Variants in ITGA8 observed in about 807,000 individuals in gnomAD.
ITGA8 encodes integrin subunit alpha 8, also known as integrin alpha-8.
ITGA8 carries 91 observed loss-of-function variants against 142.3 expected under a neutral mutation model. That is an observed-to-expected ratio of 0.64 (90% CI 0.54 to 0.76). ITGA8 has a LOEUF of 0.76. Among genes scored for constraint, ITGA8 ranks in the 30% least tolerant of loss-of-function variants. The pLI, the probability that ITGA8 is intolerant of heterozygous loss-of-function variation, is 0.00. For missense variants in ITGA8, 1,406 were observed against 1,327.7 expected (o/e 1.06, Z -0.92); for synonymous variants, 505 against 485.2 (o/e 1.04, Z -0.54).
chr10:15,532,449 C>T (rs7093117), intron 27 of ITGA8, among the ~76,000 whole-genome samples: 14,135 of 111,386 alleles, frequency 0.13, 1,019 homozygotes, highest in Middle Eastern at 0.19. Context: ...AAAAAAAAGC[C>T]TCTAGTTACA....
At position 15,592,217 on chromosome 10, in the gene ITGA8, G is replaced by A. The variant is rs1362401279; in HGVS notation, c.2291+8C>T. 1.8e-5 allele frequency: 29 copies of A among 1,605,888 alleles called. No individual in the cohort carries two copies. The highest frequency in any genetic ancestry group is 2.5e-5 in the Non-Finnish European group (29 of 1,172,778). ...GCTGTCAACGATATAGGCATGTAAA[G>A]GTCTAACCTTCTGATTTGGAGATCG... On this transcript the variant is annotated splice_region_variant and intron_variant, in intron 22 of 29. Transcript: ENST00000378076.
intron 25 of ITGA8, among the ~76,000 whole-genome samples, chr10:15,570,573 G>A (rs1332562401): frequency 1.5e-5 from 2 of 135,110 alleles, no homozygotes; most frequent in African/African-American, 5.7e-5. Flanking sequence ...TGGCGCCATT[G>A]CACTCCAGCT....
chr10:15,597,069 C>G, intron 21 of ITGA8, 138 bp downstream of exon 21: 2 of 683,846 alleles, frequency 2.9e-6, no homozygotes, highest in Admixed American at 2.2e-5. Context: ...TGAAATCCCA[C>G]TACTCTGGCA....
intron 26 of ITGA8, among the ~76,000 whole-genome samples, chr10:15,556,184 G>A (rs868246530): frequency 4.0e-5 from 6 of 151,378 alleles, no homozygotes; most frequent in Admixed American, 6.6e-5. Context: ...CTGCCACCAC[G>A]CCCAGATAAT....
chr10:15,540,241 C>T (rs1833542050), intron 27 of ITGA8, among the ~76,000 whole-genome samples: 1 of 152,096 alleles, frequency 6.6e-6, no homozygotes, highest in African/African-American at 2.4e-5. Flanking sequence ...GAACTTATTC[C>T]TTCTGACCGT....
rs565235358 is a variant in ITGA8, at chr10:15,558,510, C to T, written c.2638-308G>A. On this transcript the variant is annotated intron_variant, in intron 25 of 29. Transcript: ENST00000378076. ...ACAAGGATAGAAAACATGCAAGTGACGTTTCAGACATGAGCCATCCTTCTC... is the reference window on the plus strand; with the variant it reads ...ACAAGGATAGAAAACATGCAAGTGATGTTTCAGACATGAGCCATCCTTCTC... 2.0e-5 allele frequency among the ~76,000 whole-genome samples: 3 copies of T among 152,288 alleles called. No individual in the cohort carries two copies. In the East Asian group the frequency reaches 5.8e-4, roughly 29 times the overall value.
chr10:15,548,414 C>T (rs769026066), intron 27 of ITGA8, 41 bp downstream of exon 27: 3 of 1,350,098 alleles, frequency 2.2e-6, no homozygotes, highest in East Asian at 4.8e-5. Context: ...GAAGCAGCTC[C>T]CAGTGAGCAG....
chr10:15,538,039 T>C (rs1833484080), intron 27 of ITGA8, among the ~76,000 whole-genome samples: 1 of 151,896 alleles, frequency 6.6e-6, no homozygotes, highest in Non-Finnish European at 1.5e-5. Context: ...ATCAGAAGGC[T>C]GAGGTGGGAG....
intron 3 of ITGA8, among the ~76,000 whole-genome samples, chr10:15,686,097 G>C (rs1371202408): frequency 1.3e-5 from 2 of 152,186 alleles, no homozygotes; most frequent in African/African-American, 4.8e-5. Context: ...TAATTTGATA[G>C]TATGGTATCA....
At chr10:15,607,603 G>A (rs920934740) in intron 17 of ITGA8, 74 bp downstream of exon 17, 2 of 1,413,332 alleles carry the variant, frequency 1.4e-6, no homozygotes, top group African/African-American at 1.4e-5. Context: ...CAAACATGAT[G>A]GTTAAATGGA....
intron 25 of ITGA8, among the ~76,000 whole-genome samples, chr10:15,564,990 C>G (rs536164131): frequency 2.0e-5 from 3 of 152,044 alleles, no homozygotes; most frequent in African/African-American, 7.3e-5. Context: ...CAAAGCACAA[C>G]TAAAAGAATC....
chr10:15,651,301 G>C (rs574685896), intron 11 of ITGA8, among the ~76,000 whole-genome samples: 1 of 152,244 alleles, frequency 6.6e-6, no homozygotes, highest in Non-Finnish European at 1.5e-5. Context: ...TACATTGACG[G>C]AGTTTGTAGT....
chr10:15,542,802 C>A (rs911890171), intron 27 of ITGA8, among the ~76,000 whole-genome samples: 8 of 152,042 alleles, frequency 5.3e-5, no homozygotes, highest in Non-Finnish European at 1.2e-4. Context: ...AATACATGTC[C>A]CACAGGATTG....
In ITGA8 at chr10:15,549,201, G is replaced by GTTTTTTTTTTTTTTT. The variant is rs67683436; in HGVS notation, c.2767-648_2767-634dup. Among the ~76,000 whole-genome samples, 291 of 107,040 alleles carry GTTTTTTTTTTTTTTT rather than the reference G, an allele frequency of 2.7e-3. 20 individuals are homozygous for GTTTTTTTTTTTTTTT. The highest frequency in any genetic ancestry group is 3.2e-3 in the African/African-American group (60 of 18,646). 70.2% of individuals were successfully genotyped at this position (107,040 alleles called of 152,430 possible). A position where few individuals can be genotyped will look rare whatever the true frequency, so the allele number is the denominator to read the frequency against. On this transcript the variant is annotated intron_variant, in intron 26 of 29. Coordinates refer to ENST00000378076, the MANE Select transcript of ITGA8 (RefSeq NM_003638.3). Reference sequence around the variant, plus strand: ...TTCTTTCTTTTTTCTTTTCTTTTCTGTTTTTTTTTTTTTTTTTTTTTTTTT... The same window carrying GTTTTTTTTTTTTTTT: ...TTCTTTCTTTTTTCTTTTCTTTTCTGTTTTTTTTTTTTTTTTTTTTTTTTTTTTTTTTTTTTTTTT...
At chr10:15,647,192 C>T (rs535972285) in intron 11 of ITGA8, 141 bp from the exon 12 acceptor site, 10 of 632,626 alleles carry the variant, frequency 1.6e-5, no homozygotes, top group African/African-American at 3.6e-5. Context: ...AGATTGCTTT[C>T]GCTGCTTTGT....
At chr10:15,643,251 A>G (rs1299137006) in intron 13 of ITGA8, among the ~76,000 whole-genome samples, 2 of 152,276 alleles carry the variant, frequency 1.3e-5, no homozygotes, top group East Asian at 3.9e-4. Flanking sequence ...TGTTCAGTCT[A>G]TCTTTGGAAA....
At chr10:15,698,842 G>A (rs781675247) in intron 2 of ITGA8, among the ~76,000 whole-genome samples, 2 of 152,138 alleles carry the variant, frequency 1.3e-5, no homozygotes, top group Non-Finnish European at 2.9e-5. Context: ...TTGTGAAGAT[G>A]TTCTCCCGCT....
intron 13 of ITGA8, among the ~76,000 whole-genome samples, chr10:15,624,091 C>G (rs1242799875): frequency 6.6e-6 from 1 of 152,156 alleles, no homozygotes; most frequent in South Asian, 2.1e-4. Context: ...GCTTAGGGAA[C>G]CCTGAGGTTT....
At chr10:15,550,966 GAGA>G (rs1004822153) in intron 26 of ITGA8, among the ~76,000 whole-genome samples, 18 of 151,994 alleles carry the variant, frequency 1.2e-4, no homozygotes, top group Non-Finnish European at 2.9e-5. Flanking sequence ...ATAAATTTTG[GAGA>G]AGTTTAGGAA....
Sources: gnomAD v4.1 joint callset for allele counts (sites outside exome capture counted in the v4.1 genomes callset) on GRCh38, gnomAD v4.1.1 for gene constraint, MANE v1.5 for transcripts, NCBI Gene and HGNC (gene_info 2026-07-23, HGNC 2026-07-21) for gene names.